The following PDS5B variants were observed in gnomAD, a reference collection of about 807,000 sequenced individuals.
PDS5B encodes the protein sister chromatid cohesion protein PDS5 homolog B.
In PDS5B, 51 loss-of-function variants were observed where a neutral mutation model predicts 184.1. The ratio of observed to expected loss-of-function variants is 0.28; its 90% CI spans 0.22 to 0.35. The LOEUF (loss-of-function observed/expected upper bound fraction) is 0.35. Ranked by LOEUF, PDS5B falls within the 10% of genes least tolerant of loss-of-function variation. PDS5B has a pLI of 1.00. For missense variants in PDS5B, 1,180 were observed against 1,723.3 expected, an observed-to-expected ratio of 0.68 and a Z score of 5.58; for synonymous variants, 566 against 569.2, an observed-to-expected ratio of 0.99 and a Z score of 0.08.
At chr13:32,754,269 C>T (rs4942892) in intron 25 of PDS5B, among the ~76,000 whole-genome samples, 57,356 of 151,926 alleles carry the variant, frequency 0.38, 11,474 homozygotes, top group Non-Finnish European at 0.45. Context: ...TCACATCAGT[C>T]CCTTACTTGA....
intron 10 of PDS5B, 60 bp downstream of exon 10, chr13:32,678,989 T>C: frequency 1.1e-6 from 1 of 905,980 alleles, no homozygotes; most frequent in Non-Finnish European, 1.8e-6. Context: ...AAAAATAAGT[T>C]TCATAGGGGG....
chr13:32,739,746 G>A (rs1046261414), intron 21 of PDS5B, among the ~76,000 whole-genome samples: 1 of 151,138 alleles, frequency 6.6e-6, no homozygotes, highest in Non-Finnish European at 1.5e-5. Context: ...TTGTGTAAAT[G>A]TTCATGAATT....
chr13:32,617,755 C>T (rs1369353933), intron 1 of PDS5B, among the ~76,000 whole-genome samples: 1 of 152,188 alleles, frequency 6.6e-6, no homozygotes, highest in Non-Finnish European at 1.5e-5. Context: ...AGGGGTACAA[C>T]ATGTCAAGTG....
chr13:32,627,825 A>G (rs920699791), intron 1 of PDS5B, among the ~76,000 whole-genome samples: 2 of 152,332 alleles, frequency 1.3e-5, no homozygotes, highest in Middle Eastern at 3.4e-3. Context: ...GATTTCTTGC[A>G]TACCGTTTGA....
chr13:32,765,037 A>G (rs1954539073), intron 31 of PDS5B, among the ~76,000 whole-genome samples: 2 of 152,186 alleles, frequency 1.3e-5, no homozygotes, highest in South Asian at 2.1e-4. Flanking sequence ...AGAAAATGCT[A>G]TAGTTCTCGT....
In PDS5B at chr13:32,775,762, A is replaced by G; in HGVS notation, c.*710A>G. On this transcript the variant is annotated 3_prime_UTR_variant, in exon 35 of 35. Coordinates refer to ENST00000315596, the MANE Select transcript of PDS5B (RefSeq NM_015032.4). ...CAGAATTTTCTGGCCTTTCATGGCA[A>G]TGAAAATTTTAAGAAGAAAGATTTA... The G allele has an allele frequency of 5.1e-6, 2 of 394,218 alleles. No individual in the cohort carries two copies. Among genetic ancestry groups the G allele is most frequent in the Admixed American group, 3.2e-5 (1 of 31,348 alleles). 24.4% of individuals were successfully genotyped at this position (394,218 alleles called of 1,614,324 possible). A position where few individuals can be genotyped will look rare whatever the true frequency, so the allele number is the denominator to read the frequency against.
chr13:32,659,383 A>G, intron 6 of PDS5B, 103 bp downstream of exon 6: 2 of 814,072 alleles, frequency 2.5e-6, no homozygotes, highest in Non-Finnish European at 3.6e-6. Context: ...TTAATCTTTT[A>G]GAGAATCTGT....
chr13:32,587,011 G>GCCGCGCCCCTCCCC lies in PDS5B; in HGVS notation c.-20+428_-20+441dup, dbSNP rs1305596843. The stretch of plus-strand genomic sequence containing the variant: ...CCCTCCCGCCGCCGCCGTCGCCGCC[G>GCCGCGCCCCTCCCC]CCGCGCCCCTCCCCCCGCGCCCCGG... On this transcript the variant is annotated intron_variant, in intron 1 of 34. Coordinates refer to ENST00000315596, the MANE Select transcript of PDS5B (RefSeq NM_015032.4). Among the ~76,000 whole-genome samples, 11 of 141,306 alleles carry GCCGCGCCCCTCCCC rather than the reference G, an allele frequency of 7.8e-5. No homozygotes were observed. The East Asian group carries it at 2.4e-3, about 31-fold the overall frequency. The allele number at this position is 141,306 out of a possible 152,430, so 92.7% of individuals were successfully genotyped here.
In PDS5B at chr13:32,710,104, A is replaced by C. The variant is rs1340361230; in HGVS notation, c.2121A>C (p.Arg707Ser). The change falls in exon 19 of 35, where the codon AGA becomes AGC. Residue 707 changes from arginine (R) to serine (S), a missense_variant and splice_region_variant. Physicochemically the swap from Arg to Ser is moderately radical, Grantham distance 110 (BLOSUM62 -1). This residue lies in a region of PDS5B where 475 missense variants were observed against 691.5 expected (regional missense o/e 0.69). Transcript: ENST00000315596. ...SKIEEDFPHI[R>S]SALLPVLHHK... Reference sequence around the variant, plus strand: ...TTGAAGAGGATTTTCCACACATCAGATCGTGAGTTGAGTTTATTTTCAAAA... The same window carrying C: ...TTGAAGAGGATTTTCCACACATCAGCTCGTGAGTTGAGTTTATTTTCAAAA... 2.7e-6 allele frequency: 4 copies of C among 1,468,298 alleles called. No individual in the cohort carries two copies. The highest frequency in any genetic ancestry group is 1.4e-5 in the African/African-American group (1 of 71,582). The allele number at this position is 1,468,298 out of a possible 1,614,324, so 91.0% of individuals were successfully genotyped here. A position where few individuals can be genotyped will look rare whatever the true frequency, so the allele number is the denominator to read the frequency against.
At chr13:32,712,336 T>G (rs1179785521) in intron 19 of PDS5B, among the ~76,000 whole-genome samples, 9 of 152,226 alleles carry the variant, frequency 5.9e-5, no homozygotes, top group Non-Finnish European at 1.2e-4. Flanking sequence ...TGAGGAGAAT[T>G]AACTCAGCTG....
chr13:32,607,788 T>G (rs1401254195), intron 1 of PDS5B, among the ~76,000 whole-genome samples: 16 of 152,220 alleles, frequency 1.1e-4, no homozygotes, highest in Admixed American at 1.0e-3. Flanking sequence ...GCCTCACTGC[T>G]GCCTTGCAGT....
intron 19 of PDS5B, among the ~76,000 whole-genome samples, chr13:32,727,636 C>T (rs565737542): frequency 4.6e-5 from 7 of 152,054 alleles, no homozygotes; most frequent in Non-Finnish European, 7.4e-5. Context: ...CATTATCTTC[C>T]GGATTGCAGA....
At chr13:32,753,584 T>G (rs755031590) in intron 25 of PDS5B, 48 bp downstream of exon 25, 1 of 1,329,972 alleles carries the variant, frequency 7.5e-7, no homozygotes, top group African/African-American at 1.5e-5. Context: ...CCTGCTAGTT[T>G]CAGTTTTATA....
chr13:32,726,282 TATCTC>T lies in PDS5B; in HGVS notation c.2124-5816_2124-5812del, dbSNP rs1268136806. Among the ~76,000 whole-genome samples, 4 of 152,210 alleles carry T rather than the reference TATCTC, an allele frequency of 2.6e-5. No homozygotes were observed. In the East Asian group the frequency reaches 7.7e-4, roughly 29 times the overall value. On this transcript the variant is annotated intron_variant, in intron 19 of 34. Transcript: ENST00000315596. ...CTCTCTAATGGCATGCACTGGCAAT[TATCTC>T]ATATAAATATAGAGAGATCCCCATT...
In PDS5B at chr13:32,621,395, A is replaced by G. The variant is rs536120566; in HGVS notation, c.-19-27359A>G. ...GGTGGGATGATTGCTTGAGCCTGGGAGGCAGAGGTTGCAGTGAGCCAGTAT... is the reference window on the plus strand; with the variant it reads ...GGTGGGATGATTGCTTGAGCCTGGGGGGCAGAGGTTGCAGTGAGCCAGTAT... On this transcript the variant is annotated intron_variant, in intron 1 of 34. Transcript: ENST00000315596. 7.9e-5 allele frequency among the ~76,000 whole-genome samples: 12 copies of G among 152,286 alleles called. No individual in the cohort carries two copies. The South Asian group carries it at 2.5e-3, about 32-fold the overall frequency.
At chr13:32,626,952 T>A (rs940719647) in intron 1 of PDS5B, among the ~76,000 whole-genome samples, 9 of 152,368 alleles carry the variant, frequency 5.9e-5, no homozygotes, top group South Asian at 4.1e-4. Context: ...TTCTTAAGTC[T>A]TGGAATCAGA....
chr13:32,756,119 C>G (rs1954168607), intron 26 of PDS5B, among the ~76,000 whole-genome samples, 163 bp downstream of exon 26: 1 of 151,890 alleles, frequency 6.6e-6, no homozygotes, highest in South Asian at 2.1e-4. Flanking sequence ...CATACCATCT[C>G]TTTATATTAC....
At chr13:32,665,318 A>G (rs1453919618) in intron 6 of PDS5B, among the ~76,000 whole-genome samples, 3 of 152,128 alleles carry the variant, frequency 2.0e-5, no homozygotes, top group Non-Finnish European at 2.9e-5. Flanking sequence ...GGGGCTGGGC[A>G]CAGTGGCTCA....
At chr13:32,747,088 T>A (rs1198343493) in intron 24 of PDS5B, among the ~76,000 whole-genome samples, 1 of 152,226 alleles carries the variant, frequency 6.6e-6, no homozygotes, top group Non-Finnish European at 1.5e-5. Flanking sequence ...AGTGAAACTT[T>A]CAGATTCCTA....
Sources: allele counts gnomAD v4.1 joint callset (sites outside exome capture counted in the v4.1 genomes callset), GRCh38; gene constraint gnomAD v4.1.1; regional missense constraint gnomAD v4.1.1; transcripts MANE v1.5; gene names NCBI Gene and HGNC (gene_info 2026-07-23, HGNC 2026-07-21).